Variants in TTC28 observed in about 807,000 individuals in gnomAD.
TTC28 encodes tetratricopeptide repeat protein 28.
Under a neutral mutation model 198.0 loss-of-function variants are expected in TTC28, and 61 were observed. The ratio of observed to expected loss-of-function variants is 0.31; its 90% CI spans 0.25 to 0.38. The LOEUF is 0.38. Ranked by LOEUF, TTC28 falls within the 10% of genes least tolerant of loss-of-function variation. The probability of loss-of-function intolerance (pLI) is 1.00; values close to 1 mark genes in which losing one functional copy is unlikely to be tolerated. For missense variants in TTC28, 2,678 were observed against 3,164.0 expected (o/e 0.85, Z 3.69); for synonymous variants, 1,171 against 1,297.8 (o/e 0.90, Z 2.10).
chr22:28,377,618 A>G (rs1475000960), intron 2 of TTC28, among the ~76,000 whole-genome samples: 1 of 152,142 alleles, frequency 6.6e-6, no homozygotes, highest in African/African-American at 2.4e-5. Context: ...TCTTCCCAGT[A>G]TTCCCTCAAT....
At chr22:28,152,225 T>G (rs1207099902) in intron 6 of TTC28, among the ~76,000 whole-genome samples, 1 of 152,224 alleles carries the variant, frequency 6.6e-6, no homozygotes, top group Admixed American at 6.5e-5. Flanking sequence ...GGCCGCTCCC[T>G]CCTGGTGGTG....
chr22:28,639,588 T>C (rs543982152), intron 1 of TTC28, among the ~76,000 whole-genome samples: 17 of 152,312 alleles, frequency 1.1e-4, no homozygotes, highest in African/African-American at 4.1e-4. Context: ...CATGCTGTTG[T>C]TGTGATAGTA....
chr22:28,575,298 G>A (rs1311197240), intron 2 of TTC28, among the ~76,000 whole-genome samples: 1 of 152,098 alleles, frequency 6.6e-6, no homozygotes, highest in Non-Finnish European at 1.5e-5. Flanking sequence ...CCCAATGTAT[G>A]TTCTTGGCAC....
intron 2 of TTC28, among the ~76,000 whole-genome samples, chr22:28,354,317 T>C (rs1832873924): frequency 6.6e-6 from 1 of 152,284 alleles, no homozygotes; most frequent in Non-Finnish European, 1.5e-5. Flanking sequence ...CAATGTGGTA[T>C]GTACATACAA....
chr22:28,656,405 G>A (rs541181213), intron 1 of TTC28, among the ~76,000 whole-genome samples: 19 of 152,260 alleles, frequency 1.2e-4, no homozygotes, highest in African/African-American at 3.1e-4. Flanking sequence ...ACGAGGATAC[G>A]AGCAAATCCC....
At chr22:28,490,375 C>T (rs1216243731) in intron 2 of TTC28, among the ~76,000 whole-genome samples, 1 of 152,150 alleles carries the variant, frequency 6.6e-6, no homozygotes. Flanking sequence ...TTCAGGGATG[C>T]AGGCTTCAAG....
At chr22:28,532,794 C>G (rs2049169699) in intron 2 of TTC28, among the ~76,000 whole-genome samples, 1 of 152,106 alleles carries the variant, frequency 6.6e-6, no homozygotes, top group African/African-American at 2.4e-5. Context: ...TAAACAGAAT[C>G]AAAGACAAAA....
intron 1 of TTC28, among the ~76,000 whole-genome samples, chr22:28,633,287 AAAAAAG>A (rs532563718): frequency 1.5e-3 from 226 of 151,752 alleles, no homozygotes; most frequent in South Asian, 3.1e-3. Context: ...TCTCAAAAAA[AAAAAAG>A]AAAAAGAAAA....
At chr22:28,298,083 T>A (rs2044936034) in intron 3 of TTC28, among the ~76,000 whole-genome samples, 1 of 152,146 alleles carries the variant, frequency 6.6e-6, no homozygotes, top group African/African-American at 2.4e-5. Flanking sequence ...GTCTTATCCT[T>A]TCTTTTGGCC....
chr22:28,130,099 C>T (rs1001388820), intron 6 of TTC28, among the ~76,000 whole-genome samples: 2 of 152,156 alleles, frequency 1.3e-5, no homozygotes, highest in Non-Finnish European at 2.9e-5. Flanking sequence ...AGCTTAAAAC[C>T]TACAAAAGAA....
chr22:28,135,174 G>A (rs1174444247), intron 6 of TTC28, among the ~76,000 whole-genome samples: 1 of 152,176 alleles, frequency 6.6e-6, no homozygotes, highest in Non-Finnish European at 1.5e-5. Context: ...GTGAAGTGAG[G>A]TAGGGGTGGG....
chr22:28,139,490 C>T (rs1242076695), intron 6 of TTC28, among the ~76,000 whole-genome samples: 1 of 151,970 alleles, frequency 6.6e-6, no homozygotes, highest in Non-Finnish European at 1.5e-5. Context: ...ACCATGAGCA[C>T]TAGGATGAAC....
chr22:28,211,106 C>T (rs1308087743), intron 5 of TTC28, among the ~76,000 whole-genome samples: 2 of 152,124 alleles, frequency 1.3e-5, no homozygotes, highest in East Asian at 3.9e-4. Flanking sequence ...ACCACCAGGC[C>T]TGCCCTAAAA....
intron 2 of TTC28, among the ~76,000 whole-genome samples, chr22:28,432,354 G>A (rs556883256): frequency 5.1e-4 from 78 of 151,896 alleles, no homozygotes; most frequent in African/African-American, 1.8e-3. Flanking sequence ...GCAGTAAAAT[G>A]TATTGATTTG....
chr22:28,579,626 A>ATG (rs71194778), intron 2 of TTC28, among the ~76,000 whole-genome samples: 5,813 of 148,470 alleles, frequency 0.039, 281 homozygotes, highest in African/African-American at 0.087. Flanking sequence ...ACATATACAA[A>ATG]TGTGTGTGTG....
At position 28,203,038 on chromosome 22, in the gene TTC28, GTT is replaced by G. The variant is rs772599494; in HGVS notation, c.934-39441_934-39440del. On this transcript the variant is annotated intron_variant, in intron 5 of 22. Coordinates refer to ENST00000397906, the MANE Select transcript of TTC28 (RefSeq NM_001145418.2). The stretch of plus-strand genomic sequence containing the variant: ...TAGTATGAATACATAAAAATGGATA[GTT>G]TTGTTTTCCAATTTTATATAAATAA... Among the ~76,000 whole-genome samples, 37 of 152,094 alleles carry G rather than the reference GTT, an allele frequency of 2.4e-4. 1 individual carries two copies. Among genetic ancestry groups the G allele is most frequent in the Non-Finnish European group, 5.1e-4 (35 of 67,984 alleles).
At chr22:28,369,834 T>C (rs891520312) in intron 2 of TTC28, among the ~76,000 whole-genome samples, 2 of 152,164 alleles carry the variant, frequency 1.3e-5, no homozygotes, top group African/African-American at 4.8e-5. Context: ...GTAAAATATA[T>C]ATATAAGAGT....
At chr22:28,009,456 C>T (rs1938051698) in intron 14 of TTC28, among the ~76,000 whole-genome samples, 1 of 152,230 alleles carries the variant, frequency 6.6e-6, no homozygotes, top group African/African-American at 2.4e-5. Context: ...AAGGGTCTGG[C>T]TTGGCAGCTG....
At chr22:28,266,845 G>A (rs1375217639) in intron 5 of TTC28, among the ~76,000 whole-genome samples, 2 of 152,126 alleles carry the variant, frequency 1.3e-5, no homozygotes, top group Non-Finnish European at 2.9e-5. Context: ...CTGATACAAT[G>A]ACCATTAAGC....
Sources: gnomAD v4.1 joint callset for allele counts (sites outside exome capture counted in the v4.1 genomes callset) on GRCh38, gnomAD v4.1.1 for gene constraint, MANE v1.5 for transcripts, NCBI Gene and HGNC (gene_info 2026-07-23, HGNC 2026-07-21) for gene names.